KALRN: variants seen among roughly 807,000 people sequenced by gnomAD.
KALRN encodes kalirin RhoGEF kinase.
In KALRN, 70 loss-of-function variants were observed where a neutral mutation model predicts 353.7. That is an observed-to-expected ratio of 0.20 (90% confidence interval 0.16 to 0.24). The LOEUF is 0.24. Ranked by LOEUF, KALRN falls within the 10% of genes least tolerant of loss-of-function variation. KALRN has a pLI of 1.00. For synonymous variants in KALRN, 1,391 were observed against 1,434.8 expected, an observed-to-expected ratio of 0.97 and a Z score of 0.69; for missense variants, 2,791 against 3,756.7, an observed-to-expected ratio of 0.74 and a Z score of 6.72.
At chr3:124,141,261 C>T (rs1453013590) in intron 1 of KALRN, among the ~76,000 whole-genome samples, 1 of 152,188 alleles carries the variant, frequency 6.6e-6, no homozygotes, top group African/African-American at 2.4e-5. Flanking sequence ...TCTTTCCTCA[C>T]TGGAACAGCT....
intron 1 of KALRN, among the ~76,000 whole-genome samples, chr3:124,159,574 CTTT>C (rs10576641): frequency 2.4e-3 from 350 of 143,982 alleles, no homozygotes; most frequent in South Asian, 3.8e-3. Flanking sequence ...ACCTGGCTGG[CTTT>C]TTTTTTTTTT....
intron 1 of KALRN, among the ~76,000 whole-genome samples, chr3:124,057,186 A>G (rs910772402): frequency 1.3e-5 from 2 of 152,184 alleles, no homozygotes; most frequent in Non-Finnish European, 2.9e-5. Flanking sequence ...TTAAGCCTTC[A>G]GGACCATATC....
chr3:124,097,431 C>T (rs1033885941), intron 1 of KALRN, among the ~76,000 whole-genome samples: 1 of 152,134 alleles, frequency 6.6e-6, no homozygotes, highest in African/African-American at 2.4e-5. Context: ...ATTGTCGTGC[C>T]TTATGTCATC....
At chr3:124,513,297 A>T (rs999584796) in intron 33 of KALRN, among the ~76,000 whole-genome samples, 2 of 152,220 alleles carry the variant, frequency 1.3e-5, no homozygotes, top group African/African-American at 4.8e-5. Flanking sequence ...CTTCAAATTC[A>T]TGAGACATTT....
At chr3:124,515,722 T>G (rs559887372) in intron 33 of KALRN, among the ~76,000 whole-genome samples, 1 of 152,326 alleles carries the variant, frequency 6.6e-6, no homozygotes, top group East Asian at 1.9e-4. Context: ...AAAAAAAAAT[T>G]TAATGGTCTC....
chr3:124,713,613 T>A (rs1409235461), intron 58 of KALRN, among the ~76,000 whole-genome samples: 1 of 152,182 alleles, frequency 6.6e-6, no homozygotes, highest in Non-Finnish European at 1.5e-5. Context: ...CATTCCAGAT[T>A]TTCTAGGGAC....
chr3:124,233,232 A>T (rs1229033676), intron 2 of KALRN, among the ~76,000 whole-genome samples: 1 of 152,166 alleles, frequency 6.6e-6, no homozygotes, highest in Non-Finnish European at 1.5e-5. Context: ...AAACTGCCAG[A>T]GTGACAATGC....
chr3:124,686,911 C>T (rs573752656), intron 51 of KALRN, among the ~76,000 whole-genome samples: 32 of 146,066 alleles, frequency 2.2e-4, no homozygotes, highest in South Asian at 2.2e-4. Flanking sequence ...ACCTCCCAGG[C>T]TCAAGTGACC....
intron 33 of KALRN, among the ~76,000 whole-genome samples, chr3:124,544,572 A>G (rs895237772): frequency 6.6e-6 from 1 of 152,038 alleles, no homozygotes; most frequent in East Asian, 1.9e-4. Flanking sequence ...AAACAAAACT[A>G]TCTATATCGA....
chr3:124,644,443 A>G (rs1324636256), intron 37 of KALRN, among the ~76,000 whole-genome samples: 1 of 152,072 alleles, frequency 6.6e-6, no homozygotes, highest in Non-Finnish European at 1.5e-5. Flanking sequence ...CATCATCTAC[A>G]TTAGGTATTT....
At chr3:124,303,298 A>G (rs1419736559) in intron 6 of KALRN, among the ~76,000 whole-genome samples, 1 of 152,230 alleles carries the variant, frequency 6.6e-6, no homozygotes, top group Non-Finnish European at 1.5e-5. Flanking sequence ...TTCAATTAAT[A>G]GTAATAATAA....
At chr3:124,095,925 T>C (rs1464827403) in intron 1 of KALRN, 2 of 152,076 alleles carry the variant, frequency 1.3e-5, no homozygotes, top group Admixed American at 6.5e-5. Flanking sequence ...GGGAGATCAA[T>C]ACCAGGTGGA....
intron 1 of KALRN, chr3:124,152,553 T>G (rs28633349): frequency 0.085 from 37,724 of 445,562 alleles, 160 homozygotes; most frequent in South Asian, 0.13. Flanking sequence ...TTTCTTTTTC[T>G]TTTCTTTTCT....
chr3:124,467,523 G>A (rs2060462076), intron 25 of KALRN, among the ~76,000 whole-genome samples: 1 of 152,200 alleles, frequency 6.6e-6, no homozygotes, highest in South Asian at 2.1e-4. Context: ...TAAGGGGTGG[G>A]ATTTTTACAG....
intron 10 of KALRN, among the ~76,000 whole-genome samples, chr3:124,359,562 A>G (rs1354397658): frequency 6.6e-6 from 1 of 152,158 alleles, no homozygotes; most frequent in African/African-American, 2.4e-5. Flanking sequence ...TTTGGGGTCA[A>G]TCTGTTTTTT....
At chr3:124,318,338 CATGG>C (rs1202542429) in intron 6 of KALRN, among the ~76,000 whole-genome samples, 1 of 152,188 alleles carries the variant, frequency 6.6e-6, no homozygotes, top group Non-Finnish European at 1.5e-5. Context: ...CCCTGTGGTT[CATGG>C]GAGGCAGAAG....
At chr3:124,148,745 G>T (rs866752789) in intron 1 of KALRN, among the ~76,000 whole-genome samples, 1 of 152,008 alleles carries the variant, frequency 6.6e-6, no homozygotes, top group Non-Finnish European at 1.5e-5. Flanking sequence ...ATAGGTAAAG[G>T]TTCTTAAATT....
At chr3:124,695,767 A>G (rs1376886113) in intron 53 of KALRN, among the ~76,000 whole-genome samples, 2 of 150,978 alleles carry the variant, frequency 1.3e-5, no homozygotes, top group Admixed American at 1.3e-4. Flanking sequence ...TTCATTATCG[A>G]TCTGTGAAAC....
chr3:124,405,589 C>T (rs1278303709), intron 13 of KALRN, among the ~76,000 whole-genome samples: 1 of 151,360 alleles, frequency 6.6e-6, no homozygotes, highest in Non-Finnish European at 1.5e-5. Flanking sequence ...GACCAAGATC[C>T]CTCCCAACCC....
Sources: allele counts gnomAD v4.1 joint callset (sites outside exome capture counted in the v4.1 genomes callset), GRCh38; gene constraint gnomAD v4.1.1; transcripts MANE v1.5; gene names NCBI Gene and HGNC (gene_info 2026-07-23, HGNC 2026-07-21).